The following GPC6 variants were observed in gnomAD, a reference collection of about 807,000 sequenced individuals.
GPC6 encodes glypican 6, also known as glypican-6.
A neutral mutation model predicts 55.2 loss-of-function variants in GPC6; 14 were observed. The observed-to-expected ratio is 0.25, with a 90% CI of 0.17 to 0.40. The LOEUF is 0.40. Ranked by LOEUF, GPC6 falls within the 10% of genes least tolerant of loss-of-function variation. The pLI is 1.00. For synonymous variants in GPC6, 278 were observed against 259.6 expected (o/e 1.07, Z -0.68); for missense variants, 641 against 708.5 (o/e 0.90, Z 1.08).
At chr13:93,639,529 G>A (rs1879823398) in intron 2 of GPC6, among the ~76,000 whole-genome samples, 1 of 152,022 alleles carries the variant, frequency 6.6e-6, no homozygotes, top group Non-Finnish European at 1.5e-5. Flanking sequence ...AAGTGTAAAA[G>A]CAAAAGGCTG....
chr13:94,077,044 G>A (rs760838852), intron 4 of GPC6, among the ~76,000 whole-genome samples: 3 of 149,456 alleles, frequency 2.0e-5, no homozygotes, highest in African/African-American at 4.9e-5. Flanking sequence ...CGGGGATAAC[G>A]CTGAATCTGT....
chr13:93,225,087 C>A (rs1356295484), upstream of GPC6, among the ~76,000 whole-genome samples: 5 of 152,144 alleles, frequency 3.3e-5, no homozygotes, highest in African/African-American at 1.2e-4. Flanking sequence ...TCTTCCTTTA[C>A]CTCCATTTAA....
chr13:94,305,767 GAGTCAGGGATTAT>G (rs2139111146), intron 5 of GPC6, among the ~76,000 whole-genome samples, 200 bp from the exon 6 acceptor site: 1 of 152,310 alleles, frequency 6.6e-6, no homozygotes, highest in South Asian at 2.1e-4. Context: ...CTGAAACTAT[GAGTCAGGGATTAT>G]AGTTGGTCAC....
chr13:94,304,984 G>C (rs1875867031), intron 5 of GPC6, among the ~76,000 whole-genome samples: 1 of 152,134 alleles, frequency 6.6e-6, no homozygotes, highest in Non-Finnish European at 1.5e-5. Context: ...GAAATTATTT[G>C]GCTTTATGTG....
Position 93,474,331 on chromosome 13 carries a change from G to T in GPC6, c.161-70932G>T, listed in dbSNP as rs746753809. On this transcript the variant is annotated intron_variant, in intron 1 of 8. Transcript: ENST00000377047. ...TCAAGGTTTTTAGTGTGCTGAATAG[G>T]ATCAAGTCTACATTTAGGGAGCTGT... 7.2e-5 allele frequency among the ~76,000 whole-genome samples: 11 copies of T among 152,252 alleles called. No individual in the cohort carries two copies. The South Asian group carries it at 8.3e-4, about 11-fold the overall frequency.
intron 1 of GPC6, among the ~76,000 whole-genome samples, chr13:93,523,822 C>G (rs1881544175): frequency 6.6e-6 from 1 of 151,898 alleles, no homozygotes; most frequent in Non-Finnish European, 1.5e-5. Flanking sequence ...TTTTGAATAG[C>G]TTTTGTTAAA....
chr13:93,774,215 G>A (rs560923695), intron 2 of GPC6, among the ~76,000 whole-genome samples: 2 of 152,150 alleles, frequency 1.3e-5, no homozygotes, highest in Non-Finnish European at 2.9e-5. Flanking sequence ...TAACGCAGGT[G>A]GCCAGGAGAG....
At chr13:93,417,348 GT>G (rs1021740133) in intron 1 of GPC6, among the ~76,000 whole-genome samples, 2 of 151,900 alleles carry the variant, frequency 1.3e-5, no homozygotes, top group African/African-American at 4.8e-5. Context: ...TTTATTGCTG[GT>G]GCCTTTCTTT....
At chr13:93,543,239 G>A (rs1385991464) in intron 1 of GPC6, among the ~76,000 whole-genome samples, 12 of 152,116 alleles carry the variant, frequency 7.9e-5, no homozygotes, top group Admixed American at 7.2e-4. Context: ...ATGAAGCATC[G>A]TTGAATTTTG....
At chr13:93,263,399 T>C (rs1877216576) in intron 1 of GPC6, among the ~76,000 whole-genome samples, 1 of 152,114 alleles carries the variant, frequency 6.6e-6, no homozygotes, top group Non-Finnish European at 1.5e-5. Context: ...AATTTCGCTC[T>C]TGTCACCCAG....
intron 1 of GPC6, among the ~76,000 whole-genome samples, chr13:93,432,998 A>G (rs891075529): frequency 2.0e-5 from 3 of 152,126 alleles, no homozygotes; most frequent in African/African-American, 7.2e-5. Flanking sequence ...AGAAAAAGAA[A>G]GACTCTCAGA....
chr13:93,251,178 G>GT (rs1161725734), intron 1 of GPC6, among the ~76,000 whole-genome samples: 5 of 152,116 alleles, frequency 3.3e-5, no homozygotes, highest in Non-Finnish European at 5.9e-5. Context: ...TAGCCAAGCC[G>GT]TATCACTGGG....
chr13:93,609,048 C>T (rs184266129), intron 2 of GPC6, among the ~76,000 whole-genome samples: 1 of 152,124 alleles, frequency 6.6e-6, no homozygotes, highest in African/African-American at 2.4e-5. Context: ...CAAACTAAAG[C>T]GTAATCCTAG....
At chr13:94,257,847 G>A (rs1296936879) in intron 4 of GPC6, among the ~76,000 whole-genome samples, 1 of 152,152 alleles carries the variant, frequency 6.6e-6, no homozygotes, top group African/African-American at 2.4e-5. Flanking sequence ...GGAAAAGATA[G>A]ACTAACAAGA....
chr13:94,142,991 G>C (rs189950941), intron 4 of GPC6, among the ~76,000 whole-genome samples: 71 of 151,878 alleles, frequency 4.7e-4, no homozygotes, highest in Non-Finnish European at 7.5e-4. Context: ...ACCACGCCCA[G>C]CTAATTTTTG....
At chr13:93,700,981 A>T (rs917196143) in intron 2 of GPC6, among the ~76,000 whole-genome samples, 4 of 152,146 alleles carry the variant, frequency 2.6e-5, no homozygotes, top group Non-Finnish European at 4.4e-5. Context: ...TTTTTTGCAG[A>T]GATCAAATGT....
intron 3 of GPC6, among the ~76,000 whole-genome samples, chr13:93,834,606 G>A (rs1442648200): frequency 2.0e-5 from 3 of 152,078 alleles, no homozygotes; most frequent in Non-Finnish European, 2.9e-5. Context: ...GCATGTATGT[G>A]CAAGCATGTA....
intron 3 of GPC6, among the ~76,000 whole-genome samples, chr13:93,862,702 A>G (rs1888853575): frequency 6.6e-6 from 1 of 151,718 alleles, no homozygotes. Flanking sequence ...CTGTATATAA[A>G]GGAGCAAATC....
chr13:93,946,420 C>A (rs1015933710), intron 3 of GPC6, among the ~76,000 whole-genome samples: 2 of 152,156 alleles, frequency 1.3e-5, no homozygotes, highest in Non-Finnish European at 2.9e-5. Context: ...ACATGAGCCA[C>A]CGCTCTCGCC....
Sources: allele counts gnomAD v4.1 joint callset (sites outside exome capture counted in the v4.1 genomes callset), GRCh38; gene constraint gnomAD v4.1.1; transcripts MANE v1.5; gene names NCBI Gene and HGNC (gene_info 2026-07-23, HGNC 2026-07-21).